LRP1B: variants seen among roughly 807,000 people sequenced by gnomAD.
LRP1B encodes the protein low-density lipoprotein receptor-related protein 1B.
LRP1B carries 217 observed loss-of-function variants against 556.6 expected under a neutral mutation model. The ratio of observed to expected loss-of-function variants is 0.39; its 90% CI spans 0.35 to 0.44. The LOEUF is 0.44. LRP1B is among the 20% of genes least tolerant of loss of function. The pLI, the probability that LRP1B is intolerant of heterozygous loss-of-function variation, is 1.00. For missense variants in LRP1B, 5,053 were observed against 5,620.8 expected (o/e 0.90, Z 3.23); for synonymous variants, 2,047 against 1,865.8 (o/e 1.10, Z -2.50).
At chr2:140,722,446 A>T (rs190871497) in intron 35 of LRP1B, among the ~76,000 whole-genome samples, 2 of 152,316 alleles carry the variant, frequency 1.3e-5, no homozygotes, top group East Asian at 3.9e-4. Flanking sequence ...TTAAGAATCT[A>T]GAATCTATAC....
chr2:141,694,999 C>G (rs992291855), intron 2 of LRP1B, among the ~76,000 whole-genome samples: 2 of 151,940 alleles, frequency 1.3e-5, no homozygotes, highest in African/African-American at 4.8e-5. Context: ...TCTAAGTTCT[C>G]CATTCAATAA....
intron 67 of LRP1B, among the ~76,000 whole-genome samples, chr2:140,385,132 C>T (rs1188807626): frequency 6.6e-6 from 1 of 151,928 alleles, no homozygotes; most frequent in African/African-American, 2.4e-5. Context: ...TTCCGTAGTC[C>T]CAGCTGGAAG....
intron 42 of LRP1B, among the ~76,000 whole-genome samples, chr2:140,600,767 G>GTTTTTT (rs61336155): frequency 3.5e-5 from 2 of 56,910 alleles, no homozygotes; most frequent in African/African-American, 1.5e-4. Context: ...GTTCTTCGGG[G>GTTTTTT]TTTTTTTTTT....
intron 1 of LRP1B, among the ~76,000 whole-genome samples, chr2:142,100,571 G>T (rs1706536603): frequency 6.6e-6 from 1 of 151,964 alleles, no homozygotes; most frequent in African/African-American, 2.4e-5. Flanking sequence ...TTAACTCTGT[G>T]ATTTAGAAAC....
chr2:140,505,922 G>A (rs1689389715), intron 53 of LRP1B, among the ~76,000 whole-genome samples: 1 of 152,070 alleles, frequency 6.6e-6, no homozygotes, highest in African/African-American at 2.4e-5. Flanking sequence ...AACTTCAACT[G>A]AGCATTTTTA....
At chr2:140,917,631 G>T (rs1339837708) in intron 21 of LRP1B, among the ~76,000 whole-genome samples, 1 of 152,082 alleles carries the variant, frequency 6.6e-6, no homozygotes, top group Non-Finnish European at 1.5e-5. Context: ...TGACACTCTG[G>T]AAAAGGCAAA....
intron 66 of LRP1B, among the ~76,000 whole-genome samples, chr2:140,428,844 T>C (rs1685782864): frequency 6.6e-6 from 1 of 152,116 alleles, no homozygotes; most frequent in African/African-American, 2.4e-5. Context: ...ACTTAGACAA[T>C]ACTTTTTTAA....
rs1025176313 is a variant in LRP1B at position 141,409,119 on chromosome 2, T to C, written c.343+71277A>G. Among the ~76,000 whole-genome samples the C allele has an allele frequency of 5.3e-5, 8 of 152,314 alleles. No homozygotes were observed. The East Asian group carries it at 1.5e-3, about 29-fold the overall frequency. ...TAGTTACCTCAACACAAATATGGTATACTAATATCTATCATTTAAGTGATT... is the reference window on the plus strand; with the variant it reads ...TAGTTACCTCAACACAAATATGGTACACTAATATCTATCATTTAAGTGATT... On this transcript the variant is annotated intron_variant, in intron 3 of 90. Coordinates refer to ENST00000389484, the MANE Select transcript of LRP1B (RefSeq NM_018557.3).
At chr2:141,424,338 T>C (rs562324237) in intron 3 of LRP1B, among the ~76,000 whole-genome samples, 3 of 152,190 alleles carry the variant, frequency 2.0e-5, no homozygotes, top group Admixed American at 2.0e-4. Flanking sequence ...GTCTCAAATT[T>C]TCGACCTCAG....
At chr2:141,360,477 T>C (rs1402804243) in intron 3 of LRP1B, among the ~76,000 whole-genome samples, 1 of 152,254 alleles carries the variant, frequency 6.6e-6, no homozygotes, top group Non-Finnish European at 1.5e-5. Context: ...TGTCACCAAA[T>C]TGATATCTAA....
intron 3 of LRP1B, among the ~76,000 whole-genome samples, chr2:141,387,768 T>G (rs962198740): frequency 6.6e-6 from 1 of 152,120 alleles, no homozygotes; most frequent in Non-Finnish European, 1.5e-5. Context: ...CTTAGACTCT[T>G]CTGAAATATA....
At chr2:141,285,289 A>G (rs914706339) in intron 3 of LRP1B, among the ~76,000 whole-genome samples, 1 of 151,170 alleles carries the variant, frequency 6.6e-6, no homozygotes, top group Non-Finnish European at 1.5e-5. Flanking sequence ...GGGTTTCACT[A>G]TGTTGGCCAG....
chr2:140,436,288 G>A (rs903666851), intron 66 of LRP1B, among the ~76,000 whole-genome samples: 3 of 152,160 alleles, frequency 2.0e-5, no homozygotes, highest in East Asian at 3.9e-4. Flanking sequence ...TATACCAGAA[G>A]TTAAATTATT....
chr2:140,335,335 C>A (rs1681025466), intron 78 of LRP1B, among the ~76,000 whole-genome samples: 1 of 151,816 alleles, frequency 6.6e-6, no homozygotes, highest in Admixed American at 6.6e-5. Flanking sequence ...ACACCAGGCT[C>A]ATTATTCTGC....
intron 3 of LRP1B, among the ~76,000 whole-genome samples, chr2:141,426,924 G>A (rs1270006404): frequency 1.3e-5 from 2 of 152,096 alleles, no homozygotes; most frequent in African/African-American, 2.4e-5. Context: ...TGTGCAGAAT[G>A]TGCAGGTTTG....
intron 1 of LRP1B, among the ~76,000 whole-genome samples, chr2:141,866,066 G>T (rs1000522528): frequency 3.3e-5 from 5 of 152,218 alleles, no homozygotes; most frequent in African/African-American, 1.2e-4. Context: ...GGATATGTAG[G>T]TGTGTCCTTG....
At chr2:140,563,327 G>T (rs902119915) in intron 43 of LRP1B, among the ~76,000 whole-genome samples, 1 of 152,130 alleles carries the variant, frequency 6.6e-6, no homozygotes, top group South Asian at 2.1e-4. Flanking sequence ...ATAGTGCCAT[G>T]AAATAAAATT....
chr2:141,247,401 A>C (rs773194747), intron 4 of LRP1B, 47 bp from the exon 5 acceptor site: 1 of 1,592,398 alleles, frequency 6.3e-7, no homozygotes, highest in Non-Finnish European at 8.6e-7. Context: ...TATCTTGGGC[A>C]CTTTTTTTTC....
intron 2 of LRP1B, among the ~76,000 whole-genome samples, chr2:141,774,759 C>A (rs1012916069): frequency 1.3e-5 from 2 of 152,118 alleles, no homozygotes; most frequent in African/African-American, 2.4e-5. Context: ...AGGCAGTAAC[C>A]TTTCATAGAT....
Sources: gnomAD v4.1 joint callset for allele counts (sites outside exome capture counted in the v4.1 genomes callset) on GRCh38, gnomAD v4.1.1 for gene constraint, MANE v1.5 for transcripts, NCBI Gene and HGNC (gene_info 2026-07-23, HGNC 2026-07-21) for gene names.